DNM3: variants seen among roughly 807,000 people sequenced by gnomAD.
The protein encoded by DNM3 is dynamin-3.
Under a neutral mutation model 101.6 loss-of-function variants are expected in DNM3, and 47 were observed. The observed-to-expected ratio is 0.46, with a 90% CI of 0.37 to 0.59. DNM3 has a LOEUF of 0.59. DNM3 is among the 20% of genes least tolerant of loss of function. DNM3 has a pLI of 0.00. For synonymous variants in DNM3, 385 were observed against 387.9 expected, an observed-to-expected ratio of 0.99 and a Z score of 0.09; for missense variants, 849 against 1,085.7, an observed-to-expected ratio of 0.78 and a Z score of 3.06.
chr1:172,347,869 A>G (rs2067017404), intron 17 of DNM3, among the ~76,000 whole-genome samples: 1 of 152,194 alleles, frequency 6.6e-6, no homozygotes, highest in Admixed American at 6.5e-5. Context: ...ATATTTACAC[A>G]TTGGAGTATT....
intron 17 of DNM3, chr1:172,375,990 T>A (rs576896622): frequency 6.6e-6 from 1 of 152,202 alleles, no homozygotes; most frequent in East Asian, 1.9e-4. Context: ...AGACTCTGTC[T>A]CTAAAAACAA....
At chr1:172,394,447 G>A (rs928120987) in intron 20 of DNM3, 1 of 152,190 alleles carries the variant, frequency 6.6e-6, no homozygotes, top group African/African-American at 2.4e-5. Context: ...AATAAGAAAG[G>A]ATCTACATAA....
intron 14 of DNM3, among the ~76,000 whole-genome samples, chr1:172,190,273 T>A (rs1408193463): frequency 2.0e-5 from 3 of 152,306 alleles, no homozygotes; most frequent in South Asian, 2.1e-4. Context: ...TTTGGTTTTC[T>A]GTCCTTGCGA....
intron 4 of DNM3, among the ~76,000 whole-genome samples, chr1:172,026,497 C>T (rs913302413): frequency 5.3e-5 from 8 of 152,122 alleles, no homozygotes; most frequent in Non-Finnish European, 1.2e-4. Flanking sequence ...CCCCAAGACA[C>T]ATAACCGTCA....
chr1:172,131,886 C>A, intron 14 of DNM3: 1 of 235,570 alleles, frequency 4.2e-6, no homozygotes. Context: ...AATTTTGGTC[C>A]TGTGACTTAC....
At chr1:172,145,416 C>G (rs1230755498) in intron 14 of DNM3, among the ~76,000 whole-genome samples, 1 of 148,354 alleles carries the variant, frequency 6.7e-6, no homozygotes, top group Non-Finnish European at 1.5e-5. Context: ...CTCTCTTTCT[C>G]TCCTTCTCTC....
chr1:172,177,075 G>A (rs776133703), intron 14 of DNM3, among the ~76,000 whole-genome samples: 12 of 151,808 alleles, frequency 7.9e-5, no homozygotes, highest in African/African-American at 1.4e-4. Context: ...AGGAATTGGC[G>A]ATGGTGTGTT....
downstream of DNM3, among the ~76,000 whole-genome samples, chr1:172,414,074 G>A (rs966796264): frequency 5.3e-5 from 8 of 152,160 alleles, no homozygotes; most frequent in African/African-American, 1.9e-4. Context: ...TCTGGCATTG[G>A]TGTAAACATA....
chr1:172,266,574 A>T (rs1433023215), intron 15 of DNM3, among the ~76,000 whole-genome samples: 2 of 152,232 alleles, frequency 1.3e-5, no homozygotes, highest in Non-Finnish European at 2.9e-5. Flanking sequence ...TGTTTAAGAC[A>T]TTACTTCTTG....
At chr1:172,315,830 G>T (rs1334641806) in intron 16 of DNM3, among the ~76,000 whole-genome samples, 2 of 152,154 alleles carry the variant, frequency 1.3e-5, no homozygotes, top group African/African-American at 4.8e-5. Flanking sequence ...TATTATCCAG[G>T]AGAACTTCCC....
chr1:171,888,908 A>G (rs771607815), intron 1 of DNM3, among the ~76,000 whole-genome samples: 1 of 152,186 alleles, frequency 6.6e-6, no homozygotes, highest in Non-Finnish European at 1.5e-5. Context: ...GATATTTTAG[A>G]AGGGATTGTG....
chr1:171,958,244 A>G (rs565083885), intron 2 of DNM3, among the ~76,000 whole-genome samples: 5 of 152,324 alleles, frequency 3.3e-5, no homozygotes, highest in South Asian at 2.1e-4. Flanking sequence ...TCATGATTCA[A>G]TGATCTCCCA....
At chr1:172,048,950 G>A (rs746125544) in intron 10 of DNM3, among the ~76,000 whole-genome samples, 200 bp downstream of exon 10, 7 of 152,050 alleles carry the variant, frequency 4.6e-5, no homozygotes, top group East Asian at 3.8e-4. Context: ...TTCCTAATAC[G>A]GTGGTTTAGA....
intron 15 of DNM3, among the ~76,000 whole-genome samples, chr1:172,283,749 G>A (rs2063578333): frequency 1.3e-5 from 1 of 78,410 alleles, no homozygotes; most frequent in Non-Finnish European, 2.4e-5. Flanking sequence ...GATAGAGTGA[G>A]ACTCCATCTC....
chr1:172,148,481 T>G (rs1317692279), intron 14 of DNM3, among the ~76,000 whole-genome samples: 2 of 152,132 alleles, frequency 1.3e-5, no homozygotes, highest in Non-Finnish European at 2.9e-5. Context: ...TATTTATATA[T>G]GTGTCTGCAG....
chr1:172,162,561 C>A lies in DNM3; in HGVS notation c.1659+31273C>A, dbSNP rs185367066. Among the ~76,000 whole-genome samples, 219 of 152,100 alleles carry A rather than the reference C, an allele frequency of 1.4e-3. 2 individuals are homozygous for A. Among genetic ancestry groups the A allele is most frequent in the Non-Finnish European group, 2.0e-3 (138 of 67,964 alleles). On this transcript the variant is annotated intron_variant, in intron 14 of 20. Coordinates refer to ENST00000627582, the MANE Select transcript of DNM3 (RefSeq NM_015569.5). ...TATTTCTCCTGCTTTAAACGTATTC[C>A]ACTAAGGGGTAAGAAAGATAATTTT...
intron 2 of DNM3, among the ~76,000 whole-genome samples, chr1:171,927,099 G>A (rs1237397317): frequency 1.3e-5 from 2 of 152,204 alleles, no homozygotes; most frequent in Non-Finnish European, 2.9e-5. Flanking sequence ...AAAGGAAGAT[G>A]TAAAATTATC....
chr1:172,087,678 A>T (rs1342219665), intron 12 of DNM3, among the ~76,000 whole-genome samples: 1 of 151,956 alleles, frequency 6.6e-6, no homozygotes. Flanking sequence ...TTTTGAATTC[A>T]TCTATTTCTT....
In DNM3 at chr1:172,276,133, T is replaced by C. The variant is rs1448269154; in HGVS notation, c.1769+22451T>C. Among the ~76,000 whole-genome samples the C allele has an allele frequency of 7.9e-5, 12 of 152,210 alleles. No homozygotes were observed. In the East Asian group the frequency reaches 1.9e-3, roughly 24 times the overall value. ...CCAGAGCACTTTAGCAGAAGCTAGA[T>C]AACAACTTATTGGTAGGGTGTCCTA... On this transcript the variant is annotated intron_variant, in intron 15 of 20. Coordinates refer to ENST00000627582, the MANE Select transcript of DNM3 (RefSeq NM_015569.5).
Sources: gnomAD v4.1 joint callset for allele counts (sites outside exome capture counted in the v4.1 genomes callset) on GRCh38, gnomAD v4.1.1 for gene constraint, MANE v1.5 for transcripts, NCBI Gene and HGNC (gene_info 2026-07-23, HGNC 2026-07-21) for gene names.